AUTS2: variants seen among roughly 807,000 people sequenced by gnomAD.
AUTS2 encodes the protein activator of transcription and developmental regulator AUTS2.
Under a neutral mutation model 112.4 loss-of-function variants are expected in AUTS2, and 17 were observed. That is an observed-to-expected ratio of 0.15 (90% CI 0.10 to 0.23). The LOEUF is 0.23. AUTS2 is among the 10% of genes least tolerant of loss of function. The pLI, the probability that AUTS2 is intolerant of heterozygous loss-of-function variation, is 1.00. For synonymous variants in AUTS2, 751 were observed against 702.7 expected, an observed-to-expected ratio of 1.07 and a Z score of -1.09; for missense variants, 1,510 against 1,701.6, an observed-to-expected ratio of 0.89 and a Z score of 1.98.
intron 4 of AUTS2, among the ~76,000 whole-genome samples, chr7:70,149,993 A>G (rs186018754): frequency 2.6e-5 from 4 of 152,178 alleles, no homozygotes; most frequent in Non-Finnish European, 5.9e-5. Context: ...TAGAGTTAAA[A>G]TGTTTACTCA....
At chr7:69,949,099 G>A (rs572510832) in intron 2 of AUTS2, among the ~76,000 whole-genome samples, 74 of 152,122 alleles carry the variant, frequency 4.9e-4, no homozygotes, top group African/African-American at 1.7e-3. Context: ...GAGCCACCAC[G>A]CCCAGCCTAT....
chr7:69,637,829 G>A (rs1794619720), intron 1 of AUTS2, among the ~76,000 whole-genome samples: 2 of 152,242 alleles, frequency 1.3e-5, no homozygotes, highest in East Asian at 1.9e-4. Flanking sequence ...GTTATACCTC[G>A]TGTATGTGGT....
At chr7:70,287,430 A>G (rs778370828) in intron 4 of AUTS2, among the ~76,000 whole-genome samples, 8 of 152,222 alleles carry the variant, frequency 5.3e-5, no homozygotes, top group African/African-American at 1.7e-4. Context: ...CCTGTCAGAA[A>G]TGCCAGCTGA....
intron 1 of AUTS2, among the ~76,000 whole-genome samples, chr7:69,617,277 C>T (rs528611627): frequency 2.6e-5 from 4 of 152,262 alleles, no homozygotes; most frequent in East Asian, 1.9e-4. Context: ...CATCGTGTCA[C>T]GTATTTAACT....
chr7:69,979,389 A>G (rs1002843568), intron 2 of AUTS2, among the ~76,000 whole-genome samples: 2 of 152,196 alleles, frequency 1.3e-5, no homozygotes, highest in Non-Finnish European at 2.9e-5. Flanking sequence ...CAGTGGATAG[A>G]CCATTCATAG....
intron 5 of AUTS2, among the ~76,000 whole-genome samples, chr7:70,478,847 G>A (rs1266315251): frequency 6.6e-6 from 1 of 151,604 alleles, no homozygotes; most frequent in Non-Finnish European, 1.5e-5. Context: ...GATTGCACAT[G>A]TACACAGATA....
At chr7:70,210,359 T>C (rs1810791464) in intron 4 of AUTS2, among the ~76,000 whole-genome samples, 1 of 152,250 alleles carries the variant, frequency 6.6e-6, no homozygotes. Flanking sequence ...AATGAATCTT[T>C]ATTGCACAGT....
chr7:70,081,965 T>TGTGTGTGTGCGCGC (rs1018968486), intron 2 of AUTS2, among the ~76,000 whole-genome samples: 3 of 128,016 alleles, frequency 2.3e-5, no homozygotes, highest in Non-Finnish European at 5.2e-5. Context: ...TGTGTGTGTG[T>TGTGTGTGTGCGCGC]GCGCGCGCCT....
intron 4 of AUTS2, among the ~76,000 whole-genome samples, chr7:70,281,359 G>GAA (rs1788206546): frequency 6.6e-6 from 1 of 152,190 alleles, no homozygotes; most frequent in Non-Finnish European, 1.5e-5. Context: ...TAGAGAAAGA[G>GAA]ATTAGTTTGC....
intron 4 of AUTS2, among the ~76,000 whole-genome samples, chr7:70,207,730 G>A (rs866855680): frequency 1.2e-4 from 19 of 152,096 alleles, no homozygotes; most frequent in South Asian, 6.2e-4. Flanking sequence ...TTACATTACC[G>A]GCTGGGCATG....
chr7:69,796,795 C>T lies in AUTS2; in HGVS notation c.310-102491C>T, dbSNP rs150062876. Among the ~76,000 whole-genome samples the T allele has an allele frequency of 3.3e-5, 5 of 151,826 alleles. No individual in the cohort carries two copies. In the East Asian group the frequency reaches 7.8e-4, roughly 24 times the overall value. ...CTAGCAGAACTGTTTTTTTAATTGA[C>T]CTTCATGTATAATTAAGAATATCAA... On this transcript the variant is annotated intron_variant, in intron 1 of 18. Transcript: ENST00000342771.
chr7:70,113,983 A>G lies in AUTS2; in HGVS notation c.523-4149A>G, dbSNP rs991069791. Among the ~76,000 whole-genome samples the G allele has an allele frequency of 4.6e-5, 7 of 152,346 alleles. No individual in the cohort carries two copies. In the South Asian group the frequency reaches 8.3e-4, roughly 18 times the overall value. On this transcript the variant is annotated intron_variant, in intron 2 of 18. Coordinates refer to ENST00000342771, the MANE Select transcript of AUTS2 (RefSeq NM_015570.4). ...CAGTTAACACTGTAATGGGATCACAATTTCAGAATTTGGAGCATATATTGT... is the reference window on the plus strand; with the variant it reads ...CAGTTAACACTGTAATGGGATCACAGTTTCAGAATTTGGAGCATATATTGT...
intron 4 of AUTS2, among the ~76,000 whole-genome samples, chr7:70,354,662 C>T (rs1791912019): frequency 6.6e-6 from 1 of 152,154 alleles, no homozygotes; most frequent in Admixed American, 6.6e-5. Context: ...GTGACTGTGA[C>T]TCACACGTGG....
At chr7:70,784,251 T>C (rs1040365653) in intron 15 of AUTS2, 1 of 152,146 alleles carries the variant, frequency 6.6e-6, no homozygotes, top group African/African-American at 2.4e-5. Flanking sequence ...AGTCGGGTCT[T>C]ATAGTATCCT....
chr7:69,877,782 T>C (rs559028242), intron 1 of AUTS2, among the ~76,000 whole-genome samples: 11 of 152,198 alleles, frequency 7.2e-5, no homozygotes, highest in Non-Finnish European at 1.3e-4. Context: ...AATGCAGTCT[T>C]ACCCCTCAGT....
intron 2 of AUTS2, among the ~76,000 whole-genome samples, chr7:70,107,171 G>A (rs182446701): frequency 6.6e-6 from 1 of 152,024 alleles, no homozygotes; most frequent in Admixed American, 6.5e-5. Flanking sequence ...TAAAATATCT[G>A]AAATTACATA....
chr7:69,600,408 CGTGTGTGTGTGT>C (rs113179115), intron 1 of AUTS2, among the ~76,000 whole-genome samples: 12 of 143,306 alleles, frequency 8.4e-5, no homozygotes, highest in Admixed American at 1.4e-4. Context: ...GTCATATGTT[CGTGTGTGTGTGT>C]GTGTGTGTGT....
At chr7:69,830,100 C>G (rs935783034) in intron 1 of AUTS2, among the ~76,000 whole-genome samples, 8 of 152,060 alleles carry the variant, frequency 5.3e-5, no homozygotes, top group African/African-American at 1.9e-4. Flanking sequence ...ATGGATGAAG[C>G]TGGAAGCCAT....
chr7:69,922,890 T>G (rs1465714714), intron 2 of AUTS2, among the ~76,000 whole-genome samples: 1 of 152,160 alleles, frequency 6.6e-6, no homozygotes, highest in African/African-American at 2.4e-5. Flanking sequence ...GTTGGTTTCT[T>G]ATACTTATAG....
Sources: gnomAD v4.1 joint callset for allele counts (sites outside exome capture counted in the v4.1 genomes callset) on GRCh38, gnomAD v4.1.1 for gene constraint, MANE v1.5 for transcripts, NCBI Gene and HGNC (gene_info 2026-07-23, HGNC 2026-07-21) for gene names.